Variants in NAF1 observed in about 807,000 individuals in gnomAD.
The protein encoded by NAF1 is H/ACA ribonucleoprotein complex non-core subunit NAF1.
In NAF1, 11 loss-of-function variants were observed where a neutral mutation model predicts 40.6. The ratio of observed to expected loss-of-function variants is 0.27; its 90% CI spans 0.17 to 0.45. The LOEUF (loss-of-function observed/expected upper bound fraction) is 0.45. NAF1 is among the 20% of genes least tolerant of loss of function. The pLI is 1.00. For synonymous variants in NAF1, 260 were observed against 228.5 expected, an observed-to-expected ratio of 1.14 and a Z score of -1.24; for missense variants, 607 against 611.1, an observed-to-expected ratio of 0.99 and a Z score of 0.07.
chr4:163,118,942 A>ATC (rs1730435199), intron 2 of NAF1, among the ~76,000 whole-genome samples: 1 of 152,168 alleles, frequency 6.6e-6, no homozygotes, highest in African/African-American at 2.4e-5. Context: ...GCATGACTGA[A>ATC]TCTACTTTTT....
intron 7 of NAF1, among the ~76,000 whole-genome samples, chr4:163,130,811 A>G (rs1358952418): frequency 6.6e-6 from 1 of 152,248 alleles, no homozygotes; most frequent in Non-Finnish European, 1.5e-5. Flanking sequence ...ACAGACCTCA[A>G]TGTAAAATGC....
chr4:163,126,945 TGA>T, downstream of NAF1: 1 of 1,535,862 alleles, frequency 6.5e-7, no homozygotes, highest in Non-Finnish European at 8.8e-7. Context: ...ATTCTCCAAT[TGA>T]GATATGCACA....
intron 4 of NAF1, chr4:163,141,963 T>C: frequency 2.1e-5 from 20 of 972,156 alleles, no homozygotes; most frequent in Non-Finnish European, 2.4e-5. Context: ...AAGATATGTG[T>C]ACTCTAAAAA....
chr4:163,125,564 GA>G (rs1391741638), downstream of NAF1, among the ~76,000 whole-genome samples: 1 of 152,164 alleles, frequency 6.6e-6, no homozygotes, highest in Admixed American at 6.5e-5. Context: ...ACCGCAGAGG[GA>G]AACTGCAGTG....
chr4:163,159,079 G>A (rs112303813), intron 2 of NAF1, among the ~76,000 whole-genome samples: 16 of 152,072 alleles, frequency 1.1e-4, no homozygotes, highest in Non-Finnish European at 2.1e-4. Flanking sequence ...TGAGGAATGG[G>A]GGAATCTAAA....
downstream of NAF1, among the ~76,000 whole-genome samples, chr4:163,124,552 GA>G (rs36077606): frequency 3.3e-5 from 5 of 150,666 alleles, no homozygotes; most frequent in African/African-American, 7.3e-5. Flanking sequence ...ATAATTACAA[GA>G]AAAAAAAAGT....
intron 6 of NAF1, 137 bp from the exon 7 acceptor site, chr4:163,133,393 T>C (rs1730944284): frequency 3.4e-6 from 2 of 591,148 alleles, no homozygotes; most frequent in South Asian, 2.5e-5. Context: ...ACTTAATATT[T>C]TCTATATCTG....
At chr4:163,114,629 C>T (rs1258085226) in intron 2 of NAF1, among the ~76,000 whole-genome samples, 2 of 152,138 alleles carry the variant, frequency 1.3e-5, no homozygotes, top group African/African-American at 2.4e-5. Flanking sequence ...TGTTAATTCA[C>T]TCTGTGAGTA....
downstream of NAF1, chr4:163,109,032 TGA>T (rs1424369901): frequency 6.6e-6 from 1 of 152,174 alleles, no homozygotes; most frequent in Non-Finnish European, 1.5e-5. Flanking sequence ...TACTGTATGT[TGA>T]GAGTAAATAT....
intron 2 of NAF1, 119 bp from the exon 3 acceptor site, chr4:163,148,553 C>T: frequency 1.5e-6 from 1 of 653,090 alleles, no homozygotes; most frequent in Non-Finnish European, 2.6e-6. Flanking sequence ...CTTAGAGCAT[C>T]TCTTTAATGT....
intron 2 of NAF1, among the ~76,000 whole-genome samples, chr4:163,118,633 G>C (rs1730423166): frequency 6.6e-6 from 1 of 152,118 alleles, no homozygotes; most frequent in Non-Finnish European, 1.5e-5. Flanking sequence ...CATGCCTGTA[G>C]TCCCAGCTAC....
At chr4:163,109,792 G>A (rs17574868), downstream of NAF1, among the ~76,000 whole-genome samples, 10,193 of 152,232 alleles carry the variant, frequency 0.067, 406 homozygotes, top group Non-Finnish European at 0.09. Context: ...CTCACACTCT[G>A]CATAGATATA....
rs12645426 is a variant in NAF1, at chr4:163,164,559, C to A, written c.366-168G>T. ...AAATATCAACTTTACTACATGTTTACTACTGCTGTTCTAATTCAAAACTAG... is the reference window on the plus strand; with the variant it reads ...AAATATCAACTTTACTACATGTTTAATACTGCTGTTCTAATTCAAAACTAG... On this transcript the variant is annotated intron_variant, in intron 1 of 7. Transcript: ENST00000274054. Among the ~76,000 whole-genome samples the A allele has an allele frequency of 3.4e-3, 511 of 150,610 alleles. 19 individuals carry two copies. In the East Asian group the frequency reaches 0.053, roughly 16 times the overall value.
intron 2 of NAF1, among the ~76,000 whole-genome samples, chr4:163,117,257 T>C (rs1386327140): frequency 6.6e-6 from 1 of 152,226 alleles, no homozygotes; most frequent in Non-Finnish European, 1.5e-5. Flanking sequence ...GTTCCCACCA[T>C]ACCTTGTACA....
At chr4:163,165,356 G>A (rs1212728713) in intron 1 of NAF1, among the ~76,000 whole-genome samples, 1 of 152,146 alleles carries the variant, frequency 6.6e-6, no homozygotes, top group African/African-American at 2.4e-5. Context: ...CTGACACTAA[G>A]TTGGCCTATT....
At position 163,166,836 on chromosome 4, in the gene NAF1, G is replaced by T; in HGVS notation, c.-109C>A. 1 of 1,423,760 alleles carries T rather than the reference G, an allele frequency of 7.0e-7. No homozygotes were observed. The highest frequency in any genetic ancestry group is 2.5e-5 in the East Asian group (1 of 40,630). The allele number at this position is 1,423,760 out of a possible 1,614,324, so 88.2% of individuals were successfully genotyped here. On this transcript the variant is annotated 5_prime_UTR_variant, in exon 1 of 8. Coordinates refer to ENST00000274054, the MANE Select transcript of NAF1 (RefSeq NM_138386.3). ...TTAGGCAACCGCAGCAACACTGCCT[G>T]GGCCCAACTTCCCGCGTTTCTCAGG...
chr4:163,140,129 C>T, intron 5 of NAF1, 94 bp downstream of exon 5: 1 of 996,670 alleles, frequency 1.0e-6, no homozygotes, highest in Admixed American at 2.9e-5. Context: ...GCAAGACACA[C>T]ACAATATAAC....
downstream of NAF1, among the ~76,000 whole-genome samples, chr4:163,106,167 T>A (rs796142218): frequency 2.0e-5 from 3 of 152,222 alleles, no homozygotes; most frequent in South Asian, 4.1e-4. Flanking sequence ...AACAAAGACA[T>A]AATATTAACC....
chr4:163,139,286 T>C (rs1731167444), intron 5 of NAF1, among the ~76,000 whole-genome samples: 1 of 152,070 alleles, frequency 6.6e-6, no homozygotes, highest in Non-Finnish European at 1.5e-5. Flanking sequence ...AAGTCTCCAA[T>C]AAAAGAAGAG....
Sources: gnomAD v4.1 joint callset for allele counts (sites outside exome capture counted in the v4.1 genomes callset) on GRCh38, gnomAD v4.1.1 for gene constraint, MANE v1.5 for transcripts, NCBI Gene and HGNC (gene_info 2026-07-23, HGNC 2026-07-21) for gene names.